Variants in TNS3 observed in about 807,000 individuals in gnomAD.
The protein encoded by TNS3 is tensin 3, also known as tensin-3.
In TNS3, 45 loss-of-function variants were observed where a neutral mutation model predicts 140.9. That is an observed-to-expected ratio of 0.32 (90% CI 0.25 to 0.41). The LOEUF (loss-of-function observed/expected upper bound fraction) is 0.41. Ranked by LOEUF, TNS3 falls within the 10% of genes least tolerant of loss-of-function variation. The pLI, the probability that TNS3 is intolerant of heterozygous loss-of-function variation, is 1.00. For synonymous variants in TNS3, 815 were observed against 788.4 expected (o/e 1.03, Z -0.56); for missense variants, 1,716 against 1,906.7 (o/e 0.90, Z 1.86).
intron 16 of TNS3, among the ~76,000 whole-genome samples, chr7:47,374,905 A>T (rs1791288813): frequency 6.6e-6 from 1 of 152,144 alleles, no homozygotes; most frequent in African/African-American, 2.4e-5. Context: ...CCCCCACCAG[A>T]TGAGGGAGGC....
At position 47,562,239 on chromosome 7, in the gene TNS3, G is replaced by A. The variant is rs559859145; in HGVS notation, c.-265+19812C>T. ...GATCATTCTGGAAATGGAAAAGCCAGCTCATTTTTCCTCAACAGAGTTCTG... is the reference window on the plus strand; with the variant it reads ...GATCATTCTGGAAATGGAAAAGCCAACTCATTTTTCCTCAACAGAGTTCTG... On this transcript the variant is annotated intron_variant, in intron 1 of 30. Coordinates refer to ENST00000311160, the MANE Select transcript of TNS3 (RefSeq NM_022748.12). Among the ~76,000 whole-genome samples, 10 of 152,256 alleles carry A rather than the reference G, an allele frequency of 6.6e-5. No homozygotes were observed. In the East Asian group the frequency reaches 1.9e-3, roughly 29 times the overall value.
chr7:47,448,430 G>A (rs997615785), intron 4 of TNS3, among the ~76,000 whole-genome samples: 8 of 151,608 alleles, frequency 5.3e-5, no homozygotes, highest in Non-Finnish European at 8.8e-5. Context: ...GGTTAATTTC[G>A]AGACAAGCTT....
chr7:47,390,679 G>C (rs1792459712), intron 16 of TNS3, among the ~76,000 whole-genome samples: 1 of 152,182 alleles, frequency 6.6e-6, no homozygotes, highest in African/African-American at 2.4e-5. Context: ...AAGAAACCAA[G>C]GACAAGAGTG....
intron 3 of TNS3, among the ~76,000 whole-genome samples, chr7:47,484,308 A>T (rs967047216): frequency 6.6e-6 from 1 of 152,256 alleles, no homozygotes; most frequent in African/African-American, 2.4e-5. Context: ...CATCATTTCT[A>T]TAAGTACAAA....
At chr7:47,442,555 G>A (rs2151581811) in intron 4 of TNS3, among the ~76,000 whole-genome samples, 1 of 152,292 alleles carries the variant, frequency 6.6e-6, no homozygotes, top group Admixed American at 6.5e-5. Flanking sequence ...TGTGTGTAAG[G>A]GTTGTTATAT....
chr7:47,548,440 C>T (rs559376158), intron 1 of TNS3, among the ~76,000 whole-genome samples: 10 of 152,334 alleles, frequency 6.6e-5, no homozygotes, highest in Non-Finnish European at 1.3e-4. Context: ...TTCAACCCAT[C>T]TCACTGCAAC....
intron 1 of TNS3, chr7:47,556,919 C>CAGG: frequency 2.4e-6 from 1 of 422,364 alleles, no homozygotes; most frequent in African/African-American, 2.0e-5. Context: ...GGCAGAAGGG[C>CAGG]AGGTTGCAGC....
At chr7:47,413,908 ACAGCAG>A in intron 12 of TNS3, 23 bp downstream of exon 12, 5 of 1,599,820 alleles carry the variant, frequency 3.1e-6, no homozygotes, top group Non-Finnish European at 4.3e-6. Context: ...AGGTCCCACA[ACAGCAG>A]CAGCAGCAGC....
intron 4 of TNS3, among the ~76,000 whole-genome samples, chr7:47,450,325 T>G (rs1795958859): frequency 6.6e-6 from 1 of 152,174 alleles, no homozygotes; most frequent in African/African-American, 2.4e-5. Context: ...ATGGAATAAC[T>G]GGGGCCTATT....
chr7:47,318,983 A>G (rs1203714469), intron 20 of TNS3, among the ~76,000 whole-genome samples: 1 of 152,170 alleles, frequency 6.6e-6, no homozygotes, highest in Non-Finnish European at 1.5e-5. Context: ...TCCTTTAGAA[A>G]CGGCACATGG....
chr7:47,460,774 A>T (rs1358915994), intron 4 of TNS3, among the ~76,000 whole-genome samples: 1 of 152,248 alleles, frequency 6.6e-6, no homozygotes, highest in Non-Finnish European at 1.5e-5. Flanking sequence ...TGGTTAATGT[A>T]ACTAGGAAGA....
chr7:47,345,103 TGTG>T, intron 18 of TNS3, 65 bp from the exon 19 acceptor site: 1 of 1,343,606 alleles, frequency 7.4e-7, no homozygotes, highest in Non-Finnish European at 1.1e-6. Context: ...TCCAAACAGT[TGTG>T]GTTGTGGCTC....
At chr7:47,423,132 C>A (rs899234238) in intron 10 of TNS3, among the ~76,000 whole-genome samples, 7 of 152,224 alleles carry the variant, frequency 4.6e-5, no homozygotes, top group African/African-American at 1.7e-4. Flanking sequence ...GCTGACATAG[C>A]CCTCAGTTGC....
chr7:47,280,377 G>T, intron 28 of TNS3, 23 bp from the exon 29 acceptor site: 1 of 1,612,658 alleles, frequency 6.2e-7, no homozygotes, highest in Non-Finnish European at 8.5e-7. Flanking sequence ...GGGGGAGAGA[G>T]GATGGCTCCT....
In TNS3 at chr7:47,322,213, C is replaced by CAAAAAAAAA. The variant is rs759875153; in HGVS notation, c.2651-17219_2651-17211dup. Among the ~76,000 whole-genome samples the CAAAAAAAAA allele has an allele frequency of 7.6e-4, 38 of 49,906 alleles. 2 individuals are homozygous for CAAAAAAAAA. The highest frequency in any genetic ancestry group is 8.9e-4 in the Non-Finnish European group (24 of 27,102). 32.7% of individuals were successfully genotyped at this position (49,906 alleles called of 152,430 possible). On this transcript the variant is annotated intron_variant, in intron 20 of 30. Transcript: ENST00000311160. ...GCACATGAGAGTGAAGTAGAACGGG[C>CAAAAAAAAA]AAAAAAAAAAAAAAAAAAAAAAAGC...
intron 16 of TNS3, among the ~76,000 whole-genome samples, chr7:47,380,515 G>A (rs1014737343): frequency 6.6e-6 from 1 of 152,212 alleles, no homozygotes; most frequent in Non-Finnish European, 1.5e-5. Flanking sequence ...AACCAATAAA[G>A]GCATTCCTGG....
At chr7:47,529,755 T>C (rs1799325550) in intron 1 of TNS3, among the ~76,000 whole-genome samples, 1 of 152,240 alleles carries the variant, frequency 6.6e-6, no homozygotes, top group Non-Finnish European at 1.5e-5. Context: ...CAGCTACCTA[T>C]TCATGTTTGT....
At chr7:47,383,192 C>T (rs542056425) in intron 16 of TNS3, among the ~76,000 whole-genome samples, 6 of 152,312 alleles carry the variant, frequency 3.9e-5, no homozygotes, top group African/African-American at 1.4e-4. Flanking sequence ...AATGAATAGG[C>T]AGAGTGTGGT....
At chr7:47,302,130 C>T (rs1584350748) in intron 23 of TNS3, 56 bp downstream of exon 23, 2 of 1,439,412 alleles carry the variant, frequency 1.4e-6, no homozygotes, top group Non-Finnish European at 2.0e-6. Context: ...TCACACAAGG[C>T]AGCGAAGCGG....
Sources: allele counts gnomAD v4.1 joint callset (sites outside exome capture counted in the v4.1 genomes callset), GRCh38; gene constraint gnomAD v4.1.1; transcripts MANE v1.5; gene names NCBI Gene and HGNC (gene_info 2026-07-23, HGNC 2026-07-21).